GPR158: variants seen among roughly 807,000 people sequenced by gnomAD.
The protein encoded by GPR158 is G protein-coupled receptor 158.
In GPR158, 30 loss-of-function variants were observed where a neutral mutation model predicts 78.2. That is an observed-to-expected ratio of 0.38 (90% CI 0.29 to 0.52). The LOEUF is 0.52. GPR158 is among the 20% of genes least tolerant of loss of function. The pLI is 0.83. For missense variants in GPR158, 1,463 were observed against 1,523.5 expected, an observed-to-expected ratio of 0.96 and a Z score of 0.66; for synonymous variants, 581 against 591.1, an observed-to-expected ratio of 0.98 and a Z score of 0.25.
intron 4 of GPR158, among the ~76,000 whole-genome samples, chr10:25,442,385 T>A (rs1835079727): frequency 1.3e-5 from 2 of 151,962 alleles, no homozygotes; most frequent in Non-Finnish European, 1.5e-5. Context: ...ATAAGACAGA[T>A]GTAACAAAGA....
chr10:25,516,689 G>A lies in GPR158; in HGVS notation c.1405-34287G>A, dbSNP rs1399592856. On this transcript the variant is annotated intron_variant, in intron 5 of 10. Coordinates refer to ENST00000376351, the MANE Select transcript of GPR158 (RefSeq NM_020752.3). ...AAAGATCAGATAGTTGTAGGTATGCGGCGTTATTTCTGAGGGCTCTGTTCT... is the reference window on the plus strand; with the variant it reads ...AAAGATCAGATAGTTGTAGGTATGCAGCGTTATTTCTGAGGGCTCTGTTCT... 5.1e-4 allele frequency among the ~76,000 whole-genome samples: 56 copies of A among 109,880 alleles called. 1 individual carries two copies. The highest frequency in any genetic ancestry group is 2.1e-3 in the African/African-American group (54 of 25,146). 72.1% of individuals were successfully genotyped at this position (109,880 alleles called of 152,430 possible). A position where few individuals can be genotyped will look rare whatever the true frequency, so the allele number is the denominator to read the frequency against.
At chr10:25,233,582 A>T (rs1853482187) in intron 2 of GPR158, among the ~76,000 whole-genome samples, 1 of 152,220 alleles carries the variant, frequency 6.6e-6, no homozygotes, top group Non-Finnish European at 1.5e-5. Flanking sequence ...CTATGCTTTT[A>T]TGCTTGTCTG....
chr10:25,495,788 T>G (rs572633351), intron 5 of GPR158, among the ~76,000 whole-genome samples: 1 of 152,186 alleles, frequency 6.6e-6, no homozygotes, highest in Non-Finnish European at 1.5e-5. Flanking sequence ...AGTACCCATT[T>G]AAATTAAACA....
At chr10:25,456,993 G>T (rs1294477726) in intron 4 of GPR158, among the ~76,000 whole-genome samples, 1 of 151,864 alleles carries the variant, frequency 6.6e-6, no homozygotes, top group Non-Finnish European at 1.5e-5. Flanking sequence ...GTGTGTGTGT[G>T]TTGGAGTCTC....
chr10:25,429,859 C>G (rs1425176057), intron 4 of GPR158, among the ~76,000 whole-genome samples: 7 of 140,832 alleles, frequency 5.0e-5, no homozygotes, highest in African/African-American at 1.9e-4. Flanking sequence ...TGGGACGTAT[C>G]TCAAAATAAT....
intron 4 of GPR158, among the ~76,000 whole-genome samples, chr10:25,435,406 T>C (rs1478239641): frequency 6.6e-6 from 1 of 152,100 alleles, no homozygotes; most frequent in Non-Finnish European, 1.5e-5. Context: ...ACCTGTGCCC[T>C]CAAGGATAAC....
At chr10:25,504,291 T>A (rs767082386) in intron 5 of GPR158, among the ~76,000 whole-genome samples, 9 of 152,206 alleles carry the variant, frequency 5.9e-5, no homozygotes, top group Non-Finnish European at 1.0e-4. Flanking sequence ...AGTGAGTGAA[T>A]GGCAGAATAA....
intron 2 of GPR158, among the ~76,000 whole-genome samples, chr10:25,374,837 A>C (rs1471555322): frequency 6.6e-6 from 1 of 151,744 alleles, no homozygotes; most frequent in Admixed American, 6.6e-5. Context: ...TTGGCTCTTA[A>C]AAATAAAGCC....
At chr10:25,317,075 TCTCA>T (rs1480784137) in intron 2 of GPR158, among the ~76,000 whole-genome samples, 2 of 151,442 alleles carry the variant, frequency 1.3e-5, no homozygotes. Context: ...TGAGACAAGG[TCTCA>T]CTCACCCAGG....
At chr10:25,417,260 T>G (rs930625359) in intron 4 of GPR158, among the ~76,000 whole-genome samples, 1 of 152,194 alleles carries the variant, frequency 6.6e-6, no homozygotes, top group African/African-American at 2.4e-5. Flanking sequence ...TTTGAATACT[T>G]AAATACAGCA....
chr10:25,541,469 A>T (rs1836582817), intron 5 of GPR158, among the ~76,000 whole-genome samples: 1 of 152,074 alleles, frequency 6.6e-6, no homozygotes, highest in Non-Finnish European at 1.5e-5. Flanking sequence ...TTAAGAAATT[A>T]TCTCCTACAC....
intron 2 of GPR158, among the ~76,000 whole-genome samples, chr10:25,296,053 G>GAA (rs71399958): frequency 0.59 from 81,110 of 138,054 alleles, 24,514 homozygotes; most frequent in Non-Finnish European, 0.69. Context: ...GGGCAGGGAG[G>GAA]AAAAAAAAAA....
intron 1 of GPR158, among the ~76,000 whole-genome samples, chr10:25,177,757 A>T (rs1395602345): frequency 6.6e-6 from 1 of 152,234 alleles, no homozygotes; most frequent in Admixed American, 6.5e-5. Flanking sequence ...GGCATAAAGG[A>T]TAATAAACCC....
intron 4 of GPR158, among the ~76,000 whole-genome samples, chr10:25,454,739 G>GT (rs1835268025): frequency 6.6e-6 from 1 of 152,140 alleles, no homozygotes; most frequent in African/African-American, 2.4e-5. Context: ...TAAACAGATA[G>GT]TTTTTTCTAC....
intron 4 of GPR158, among the ~76,000 whole-genome samples, chr10:25,427,367 C>T (rs1257131952): frequency 6.6e-6 from 1 of 152,028 alleles, no homozygotes; most frequent in African/African-American, 2.4e-5. Context: ...CAAGTTTGAC[C>T]TCTGCTGTGT....
intron 2 of GPR158, among the ~76,000 whole-genome samples, chr10:25,266,996 GTAAA>G: frequency 6.6e-6 from 1 of 152,196 alleles, no homozygotes; most frequent in Non-Finnish European, 1.5e-5. Flanking sequence ...GATTATTTAA[GTAAA>G]TATTCTTGAA....
In GPR158 at chr10:25,597,787, C is replaced by T. The variant is rs747923573; in HGVS notation, c.2161C>T (p.Leu721Phe). ...PEDIRDELKK[L>F]YAQLEIYKRK... ...GTTCTGGCAGGACGAGCTGAAAAAA[C>T]TCTATGCCCAACTGGAAATATATAA... The change falls in exon 11 of 11, where the codon CTC becomes TTC. Residue 721 changes from leucine (L) to phenylalanine (F), a missense_variant. Transcript: ENST00000376351. 6.3e-5 allele frequency: 95 copies of T among 1,503,226 alleles called. No individual in the cohort carries two copies. Among genetic ancestry groups the T allele is most frequent in the Non-Finnish European group, 7.1e-5 (80 of 1,127,798 alleles). 93.1% of individuals were successfully genotyped at this position (1,503,226 alleles called of 1,614,324 possible).
chr10:25,391,868 T>G (rs981123358), intron 2 of GPR158, among the ~76,000 whole-genome samples: 1 of 152,160 alleles, frequency 6.6e-6, no homozygotes, highest in African/African-American at 2.4e-5. Context: ...ATTGTTCCTA[T>G]CCTAATCCCC....
At chr10:25,183,280 G>T (rs1005152370) in intron 1 of GPR158, among the ~76,000 whole-genome samples, 1 of 152,022 alleles carries the variant, frequency 6.6e-6, no homozygotes, top group Non-Finnish European at 1.5e-5. Context: ...GTCTTTCACA[G>T]CTTTGCCCCT....
Sources: gnomAD v4.1 joint callset for allele counts (sites outside exome capture counted in the v4.1 genomes callset) on GRCh38, gnomAD v4.1.1 for gene constraint, MANE v1.5 for transcripts, NCBI Gene and HGNC (gene_info 2026-07-23, HGNC 2026-07-21) for gene names.